The following ZNF804B variants were observed in gnomAD, a reference collection of about 807,000 sequenced individuals.
ZNF804B encodes the protein zinc finger 804B.
ZNF804B carries 80 observed loss-of-function variants against 101.4 expected under a neutral mutation model. That is an observed-to-expected ratio of 0.79 (90% CI 0.66 to 0.95). The LOEUF is 0.95. Among genes scored for constraint, ZNF804B ranks in the 40% least tolerant of loss-of-function variants. The probability of loss-of-function intolerance (pLI) is 0.00; values close to 1 mark genes in which losing one functional copy is unlikely to be tolerated. For synonymous variants in ZNF804B, 622 were observed against 558.8 expected, an observed-to-expected ratio of 1.11 and a Z score of -1.59; for missense variants, 1,673 against 1,561.9, an observed-to-expected ratio of 1.07 and a Z score of -1.20.
chr7:88,954,955 G>C (rs1793281531), intron 1 of ZNF804B, among the ~76,000 whole-genome samples: 1 of 151,498 alleles, frequency 6.6e-6, no homozygotes, highest in African/African-American at 2.4e-5. Context: ...AAGTCATTTT[G>C]AATACATCTT....
At chr7:88,926,944 G>GGGGGC (rs1554346839) in intron 1 of ZNF804B, among the ~76,000 whole-genome samples, 5 of 85,752 alleles carry the variant, frequency 5.8e-5, no homozygotes, top group Admixed American at 5.4e-4. Context: ...GGTGGGGAGC[G>GGGGGC]GGGGGAAAGC....
At chr7:88,964,111 TA>T (rs1403413913) in intron 1 of ZNF804B, among the ~76,000 whole-genome samples, 2 of 151,366 alleles carry the variant, frequency 1.3e-5, no homozygotes, top group Admixed American at 6.6e-5. Context: ...CTGCTGTGGA[TA>T]AAAAGTGTGG....
At chr7:89,225,665 G>A (rs949682494) in intron 2 of ZNF804B, among the ~76,000 whole-genome samples, 2 of 151,962 alleles carry the variant, frequency 1.3e-5, no homozygotes, top group Non-Finnish European at 2.9e-5. Flanking sequence ...AAACATATGG[G>A]GTGCCTAATC....
At chr7:89,007,344 G>T (rs964723627) in intron 1 of ZNF804B, among the ~76,000 whole-genome samples, 2 of 149,108 alleles carry the variant, frequency 1.3e-5, no homozygotes, top group African/African-American at 4.9e-5. Context: ...ATTTAATCCA[G>T]CTCACAAGGT....
intron 1 of ZNF804B, among the ~76,000 whole-genome samples, chr7:89,180,104 G>A (rs1007299980): frequency 5.3e-5 from 8 of 152,132 alleles, no homozygotes; most frequent in South Asian, 2.1e-4. Flanking sequence ...CAGACTTGAC[G>A]TCAGCACAGT....
At chr7:89,085,931 TA>T (rs1562880570) in intron 1 of ZNF804B, among the ~76,000 whole-genome samples, 2 of 151,726 alleles carry the variant, frequency 1.3e-5, no homozygotes, top group South Asian at 4.1e-4. Context: ...CCGGGATTTT[TA>T]AAACACGATT....
At chr7:88,892,355 G>A (rs1305801262) in intron 1 of ZNF804B, among the ~76,000 whole-genome samples, 3 of 152,048 alleles carry the variant, frequency 2.0e-5, no homozygotes, top group Admixed American at 2.0e-4. Flanking sequence ...GTGTCTATCT[G>A]TAGATATCTT....
At chr7:89,271,207 C>T (rs917126398) in intron 2 of ZNF804B, among the ~76,000 whole-genome samples, 21 of 152,100 alleles carry the variant, frequency 1.4e-4, no homozygotes, top group African/African-American at 4.1e-4. Flanking sequence ...GTGGGTTTGT[C>T]ATAAATAGCT....
chr7:88,899,192 C>G (rs1257123568), intron 1 of ZNF804B, among the ~76,000 whole-genome samples: 1 of 152,136 alleles, frequency 6.6e-6, no homozygotes, highest in Non-Finnish European at 1.5e-5. Flanking sequence ...ATTCCGCATT[C>G]TTTATATATG....
chr7:88,824,744 C>A (rs1341386718), intron 1 of ZNF804B, among the ~76,000 whole-genome samples: 1 of 151,968 alleles, frequency 6.6e-6, no homozygotes. Context: ...AACATTGCAT[C>A]TGATGCATTC....
intron 1 of ZNF804B, among the ~76,000 whole-genome samples, chr7:89,117,665 A>G (rs1022133633): frequency 1.1e-4 from 16 of 152,212 alleles, no homozygotes; most frequent in African/African-American, 3.9e-4. Flanking sequence ...TATATTGACT[A>G]AATTGTAATT....
At chr7:89,039,756 T>A (rs1405404764) in intron 1 of ZNF804B, among the ~76,000 whole-genome samples, 1 of 152,030 alleles carries the variant, frequency 6.6e-6, no homozygotes, top group Non-Finnish European at 1.5e-5. Flanking sequence ...GGTATAGTTT[T>A]TTTGGTTGCC....
chr7:89,314,613 A>C (rs1208068957), intron 2 of ZNF804B, among the ~76,000 whole-genome samples: 1 of 152,200 alleles, frequency 6.6e-6, no homozygotes, highest in Non-Finnish European at 1.5e-5. Context: ...TTACTTTTCC[A>C]AACTTAAATA....
chr7:88,807,412 A>G (rs1038484456), intron 1 of ZNF804B, among the ~76,000 whole-genome samples: 2 of 152,224 alleles, frequency 1.3e-5, no homozygotes, highest in Admixed American at 1.3e-4. Flanking sequence ...ATTCAACCAC[A>G]CCATACAGAA....
At chr7:89,270,503 G>A (rs564976752) in intron 2 of ZNF804B, among the ~76,000 whole-genome samples, 5 of 152,286 alleles carry the variant, frequency 3.3e-5, no homozygotes, top group African/African-American at 9.6e-5. Flanking sequence ...GTAGTCTGAT[G>A]CCTCCAGCTT....
intron 1 of ZNF804B, among the ~76,000 whole-genome samples, chr7:89,084,818 T>C (rs1255421665): frequency 6.6e-6 from 1 of 152,008 alleles, no homozygotes; most frequent in Admixed American, 6.6e-5. Context: ...TTATATGATT[T>C]CTATTTTTCA....
intron 1 of ZNF804B, among the ~76,000 whole-genome samples, chr7:88,914,905 A>C (rs1173561053): frequency 6.6e-6 from 1 of 152,196 alleles, no homozygotes; most frequent in Non-Finnish European, 1.5e-5. Context: ...TGTTATAATA[A>C]AAATCCTTTA....
chr7:89,010,275 C>A (rs1386384698), intron 1 of ZNF804B, among the ~76,000 whole-genome samples: 1 of 152,134 alleles, frequency 6.6e-6, no homozygotes, highest in Non-Finnish European at 1.5e-5. Flanking sequence ...ATAGGATTCA[C>A]AGCCTATAAG....
intron 1 of ZNF804B, among the ~76,000 whole-genome samples, chr7:88,907,241 A>G (rs1010901594): frequency 3.9e-5 from 6 of 152,014 alleles, no homozygotes; most frequent in Admixed American, 1.3e-4. Flanking sequence ...TGTGTGAGAT[A>G]GGTCCCTCGA....
Sources: gnomAD v4.1 joint callset for allele counts (sites outside exome capture counted in the v4.1 genomes callset) on GRCh38, gnomAD v4.1.1 for gene constraint, MANE v1.5 for transcripts, NCBI Gene and HGNC (gene_info 2026-07-23, HGNC 2026-07-21) for gene names.